CHCHD3: variants seen among roughly 807,000 people sequenced by gnomAD.
The protein encoded by CHCHD3 is MICOS complex subunit MIC19.
A neutral mutation model predicts 38.2 loss-of-function variants in CHCHD3; 20 were observed. The observed-to-expected ratio is 0.52, with a 90% CI of 0.37 to 0.76. The LOEUF is 0.76. Among genes scored for constraint, CHCHD3 ranks in the 30% least tolerant of loss-of-function variants. The probability of loss-of-function intolerance (pLI) is 0.00; values close to 1 mark genes in which losing one functional copy is unlikely to be tolerated. For missense variants in CHCHD3, 245 were observed against 279.2 expected (o/e 0.88, Z 0.87); for synonymous variants, 82 against 100.0 (o/e 0.82, Z 1.07).
intron 4 of CHCHD3, among the ~76,000 whole-genome samples, chr7:132,940,863 T>A (rs1810748766): frequency 6.6e-6 from 1 of 152,056 alleles, no homozygotes; most frequent in Non-Finnish European, 1.5e-5. Context: ...CAGGAGTGGA[T>A]GAGTTAAGGT....
chr7:132,937,600 A>C (rs1327066730), intron 4 of CHCHD3, among the ~76,000 whole-genome samples: 2 of 152,190 alleles, frequency 1.3e-5, no homozygotes, highest in African/African-American at 4.8e-5. Flanking sequence ...ATTTTAGAAG[A>C]AATTGGCCTG....
intron 6 of CHCHD3, among the ~76,000 whole-genome samples, chr7:132,826,460 A>G (rs1807511373): frequency 6.6e-6 from 1 of 152,236 alleles, no homozygotes; most frequent in South Asian, 2.1e-4. Context: ...CAGAGCCAAG[A>G]GCAAGAACTC....
chr7:132,868,335 T>G lies in CHCHD3; in HGVS notation c.453+17327A>C, dbSNP rs374121130. On this transcript the variant is annotated intron_variant, in intron 5 of 7. Transcript: ENST00000262570. ...TTTTGAAAAGTTATTGCTTGATGAC[T>G]TAAAGACTGGAGTTTTTTGTCATTT... Among the ~76,000 whole-genome samples the G allele has an allele frequency of 8.6e-4, 131 of 152,288 alleles. 3 individuals carry two copies. The East Asian group carries it at 0.019, about 22-fold the overall frequency.
chr7:132,912,674 C>G (rs1185375272), intron 4 of CHCHD3, among the ~76,000 whole-genome samples: 3 of 152,198 alleles, frequency 2.0e-5, no homozygotes, highest in Non-Finnish European at 2.9e-5. Context: ...CCTGCCTCAG[C>G]CTCCCAGGTA....
chr7:132,952,698 A>G (rs918182771), intron 4 of CHCHD3, among the ~76,000 whole-genome samples: 5 of 152,258 alleles, frequency 3.3e-5, no homozygotes, highest in African/African-American at 1.2e-4. Context: ...ATAGTATTGT[A>G]GGCTCAAAAG....
At position 132,973,866 on chromosome 7, in the gene CHCHD3, T is replaced by C. The variant is rs187450673; in HGVS notation, c.369+1303A>G. 1.0e-3 allele frequency: 1,179 copies of C among 1,168,094 alleles called. 9 individuals carry two copies. The South Asian group carries it at 0.012, about 12-fold the overall frequency. The allele number at this position is 1,168,094 out of a possible 1,614,324, so 72.4% of individuals were successfully genotyped here. On this transcript the variant is annotated intron_variant, in intron 4 of 7. Coordinates refer to ENST00000262570, the MANE Select transcript of CHCHD3 (RefSeq NM_017812.4). ...CCCCTCACTCTTCAGTTCAAAGTTC[T>C]CCATTCCATGGTCCCATTTTCCCTG...
intron 4 of CHCHD3, among the ~76,000 whole-genome samples, chr7:132,955,805 T>C (rs1455636434): frequency 6.6e-6 from 1 of 152,012 alleles, no homozygotes; most frequent in African/African-American, 2.4e-5. Context: ...AGGTGGGGGA[T>C]CAGCGAATAG....
intron 4 of CHCHD3, among the ~76,000 whole-genome samples, chr7:132,914,282 C>T (rs1810046774): frequency 6.6e-6 from 1 of 152,232 alleles, no homozygotes; most frequent in South Asian, 2.1e-4. Context: ...GCCGACACAC[C>T]CGGCCTAAGG....
chr7:133,055,179 G>T lies in CHCHD3; in HGVS notation c.169+14963C>A, dbSNP rs1814281692. Among the ~76,000 whole-genome samples, 4 of 149,604 alleles carry T rather than the reference G, an allele frequency of 2.7e-5. 1 individual carries two copies. Among genetic ancestry groups the T allele is most frequent in the African/African-American group, 7.4e-5 (3 of 40,696 alleles). ...ATCTCTTTAAAAAAACAAAAATTAT[G>T]TATTCTTAATATATAATGATATGTA... On this transcript the variant is annotated intron_variant, in intron 2 of 7. Coordinates refer to ENST00000262570, the MANE Select transcript of CHCHD3 (RefSeq NM_017812.4).
chr7:132,809,125 AT>A (rs35514520), intron 6 of CHCHD3, among the ~76,000 whole-genome samples: 3,985 of 131,428 alleles, frequency 0.03, 129 homozygotes, highest in African/African-American at 0.089. Flanking sequence ...AATTTTTGTG[AT>A]TTTTTTTTTT....
rs149168871 is a variant in CHCHD3 at position 132,895,142 on chromosome 7, C to T, written c.370-9397G>A. On this transcript the variant is annotated intron_variant, in intron 4 of 7. Transcript: ENST00000262570. ...AGAATTAGCTGCCATATTATAAAGA[C>T]ACTCCTACATATGCTGCATGAACAG... Among the ~76,000 whole-genome samples the T allele has an allele frequency of 3.0e-3, 464 of 152,320 alleles. 4 individuals carry two copies. The highest frequency in any genetic ancestry group is 0.011 in the African/African-American group (437 of 41,578).
chr7:132,934,080 C>T (rs566043885), intron 4 of CHCHD3, among the ~76,000 whole-genome samples: 3 of 152,298 alleles, frequency 2.0e-5, no homozygotes, highest in African/African-American at 7.2e-5. Context: ...CTTACTGGAC[C>T]TAACTCTCCT....
intron 3 of CHCHD3, among the ~76,000 whole-genome samples, chr7:132,990,637 A>AACAT (rs2117369433): frequency 6.6e-6 from 1 of 152,272 alleles, no homozygotes; most frequent in Admixed American, 6.5e-5. Flanking sequence ...CTGTAGACAA[A>AACAT]ACATACATCA....
chr7:132,886,975 T>C, intron 4 of CHCHD3: 2 of 1,302,970 alleles, frequency 1.5e-6, no homozygotes, highest in Non-Finnish European at 2.0e-6. Flanking sequence ...GCTACTTACT[T>C]TGTCTTCAAT....
At chr7:132,879,008 C>A (rs957226919) in intron 5 of CHCHD3, among the ~76,000 whole-genome samples, 2 of 152,046 alleles carry the variant, frequency 1.3e-5, no homozygotes, top group Non-Finnish European at 2.9e-5. Context: ...AGGCAAAGAT[C>A]CTGACATGGG....
chr7:132,891,526 G>A lies in CHCHD3; in HGVS notation c.370-5781C>T, dbSNP rs189113706. ...TCTGGAACTCAAACCCAAGCACCCA[G>A]GATTAGATCAAGGCAGCTGGTTTTG... is the stretch of plus-strand genomic sequence containing the variant. On this transcript the variant is annotated intron_variant, in intron 4 of 7. Coordinates refer to ENST00000262570, the MANE Select transcript of CHCHD3 (RefSeq NM_017812.4). 1.7e-4 allele frequency among the ~76,000 whole-genome samples: 26 copies of A among 152,286 alleles called. 1 individual carries two copies. The highest frequency in any genetic ancestry group is 1.7e-3 in the Admixed American group (26 of 15,296).
chr7:132,843,036 C>T (rs1424092065), intron 5 of CHCHD3, among the ~76,000 whole-genome samples: 2 of 152,042 alleles, frequency 1.3e-5, no homozygotes, highest in Non-Finnish European at 2.9e-5. Context: ...AGATTTCTTT[C>T]GTTTTTGTTT....
intron 3 of CHCHD3, among the ~76,000 whole-genome samples, chr7:132,982,350 T>C (rs1271866974): frequency 3.3e-5 from 5 of 152,204 alleles, no homozygotes; most frequent in African/African-American, 1.2e-4. Context: ...AGTGGTGTGA[T>C]CTTGGCTCAC....
intron 1 of CHCHD3, among the ~76,000 whole-genome samples, chr7:133,071,897 C>T (rs1260847933): frequency 1.3e-5 from 2 of 152,132 alleles, no homozygotes; most frequent in African/African-American, 4.8e-5. Flanking sequence ...CCAGAAAAAG[C>T]ATCCCTATAG....
Sources: gnomAD v4.1 joint callset for allele counts (sites outside exome capture counted in the v4.1 genomes callset) on GRCh38, gnomAD v4.1.1 for gene constraint, MANE v1.5 for transcripts, NCBI Gene and HGNC (gene_info 2026-07-23, HGNC 2026-07-21) for gene names.